Variants in TMEM108 observed in about 807,000 individuals in gnomAD.
The protein encoded by TMEM108 is cancer/testis antigen 124.
In TMEM108, 12 loss-of-function variants were observed where a neutral mutation model predicts 35.1. That is an observed-to-expected ratio of 0.34 (90% CI 0.22 to 0.55). TMEM108 has a LOEUF of 0.55. Ranked by LOEUF, TMEM108 falls within the 20% of genes least tolerant of loss-of-function variation. The pLI, the probability that TMEM108 is intolerant of heterozygous loss-of-function variation, is 0.89. For missense variants in TMEM108, 680 were observed against 753.3 expected (o/e 0.90, Z 1.14); for synonymous variants, 287 against 308.6 (o/e 0.93, Z 0.73).
Position 133,299,334 on chromosome 3 carries a change from A to G in TMEM108, c.40+69983A>G, listed in dbSNP as rs192158426. On this transcript the variant is annotated intron_variant, in intron 3 of 5. Coordinates refer to ENST00000321871, the MANE Select transcript of TMEM108 (RefSeq NM_023943.4). ...CAGTTGAGCTTAGTCTTTCTCCTTCAACCTTGATGTTTTGACATCCTGTAG... is the reference window on the plus strand; with the variant it reads ...CAGTTGAGCTTAGTCTTTCTCCTTCGACCTTGATGTTTTGACATCCTGTAG... Among the ~76,000 whole-genome samples the G allele has an allele frequency of 2.9e-3, 446 of 152,298 alleles. 7 individuals carry two copies. The highest frequency in any genetic ancestry group is 0.01 in the African/African-American group (434 of 41,550).
intron 2 of TMEM108, among the ~76,000 whole-genome samples, chr3:133,057,465 A>G (rs1490864233): frequency 5.2e-5 from 2 of 38,174 alleles, no homozygotes; most frequent in African/African-American, 7.3e-5. Context: ...ATATATATAT[A>G]TATATATATA....
At chr3:133,106,233 GT>G (rs1463522758) in intron 2 of TMEM108, among the ~76,000 whole-genome samples, 1 of 118,752 alleles carries the variant, frequency 8.4e-6, no homozygotes, top group Non-Finnish European at 1.7e-5. Context: ...GAGAAATAAT[GT>G]TACGTATTTG....
chr3:133,295,235 G>A (rs1708355), intron 3 of TMEM108, among the ~76,000 whole-genome samples: 17,912 of 152,056 alleles, frequency 0.12, 1,466 homozygotes, highest in East Asian at 0.38. Context: ...AAGTTTGCCC[G>A]GAACCCTGAG....
intron 2 of TMEM108, among the ~76,000 whole-genome samples, chr3:133,183,715 G>C (rs891423229): frequency 6.6e-6 from 1 of 152,138 alleles, no homozygotes; most frequent in Non-Finnish European, 1.5e-5. Flanking sequence ...TTGAGGCAGG[G>C]AGTGGGCAGG....
chr3:133,145,639 G>A (rs545994090), intron 2 of TMEM108, among the ~76,000 whole-genome samples: 29 of 152,100 alleles, frequency 1.9e-4, no homozygotes, highest in Middle Eastern at 3.4e-3. Context: ...CTCTTATTTC[G>A]TTGAGCAGTG....
In TMEM108 at chr3:133,194,575, G is replaced by GTT. The variant is rs397875801; in HGVS notation, c.-46-34679_-46-34678dup. Among the ~76,000 whole-genome samples the GTT allele has an allele frequency of 1.7e-3, 244 of 143,624 alleles. 2 individuals carry two copies. The highest frequency in any genetic ancestry group is 4.9e-3 in the African/African-American group (194 of 39,574). 94.2% of individuals were successfully genotyped at this position (143,624 alleles called of 152,430 possible). A position where few individuals can be genotyped will look rare whatever the true frequency, so the allele number is the denominator to read the frequency against. On this transcript the variant is annotated intron_variant, in intron 2 of 5. Transcript: ENST00000321871. ...TGTGTTTTCAGTGTGAAATTCCATGGTTTTTTTTTTTTTCTGATCAGCAGG... is the reference window on the plus strand; with the variant it reads ...TGTGTTTTCAGTGTGAAATTCCATGGTTTTTTTTTTTTTTTCTGATCAGCAGG...
chr3:133,380,332 G>T lies in TMEM108; in HGVS notation c.621G>T (p.Leu207=). The T allele has an allele frequency of 6.2e-7, 1 of 1,614,132 alleles. No individual in the cohort carries two copies. The highest frequency in any genetic ancestry group is 8.5e-7 in the Non-Finnish European group (1 of 1,180,002). ...QRGRNPSSTP[L]GQKRPLGKIF... is the part of the protein sequence containing the mutation. ...GACGAAATCCAAGCTCCACACCTCT[G>T]GGGCAGAAGCGGCCCCTGGGGAAAA... The change falls in exon 4 of 6, where the codon CTG becomes CTT. Residue 207 remains leucine (L), a synonymous_variant. Coordinates refer to ENST00000321871, the MANE Select transcript of TMEM108 (RefSeq NM_023943.4). This position sits in a 1 kb window ranked among gnomAD's most constrained non-coding sequence, Gnocchi z 5.3.
At chr3:133,315,927 A>G (rs1289277762) in intron 3 of TMEM108, among the ~76,000 whole-genome samples, 2 of 152,246 alleles carry the variant, frequency 1.3e-5, no homozygotes, top group African/African-American at 2.4e-5. Flanking sequence ...GCATGTATAC[A>G]TACTCTGCAG....
chr3:133,189,391 G>T (rs1463213019), intron 2 of TMEM108, among the ~76,000 whole-genome samples: 1 of 152,178 alleles, frequency 6.6e-6, no homozygotes, highest in African/African-American at 2.4e-5. Flanking sequence ...ATTGTACAGG[G>T]AGTAAATGCC....
At chr3:133,069,852 C>T (rs1943655845) in intron 2 of TMEM108, among the ~76,000 whole-genome samples, 1 of 152,166 alleles carries the variant, frequency 6.6e-6, no homozygotes, top group Non-Finnish European at 1.5e-5. Context: ...ATTGTTCAGT[C>T]TCCTTGTCTG....
chr3:133,134,819 T>C (rs1174463818), intron 2 of TMEM108, among the ~76,000 whole-genome samples: 2 of 152,142 alleles, frequency 1.3e-5, no homozygotes, highest in African/African-American at 4.8e-5. Flanking sequence ...ATTATACTAC[T>C]CTGTCTGCCT....
At chr3:133,234,623 G>T (rs1946205737) in intron 3 of TMEM108, among the ~76,000 whole-genome samples, 1 of 152,090 alleles carries the variant, frequency 6.6e-6, no homozygotes, top group South Asian at 2.1e-4. Flanking sequence ...AGCTATCTAT[G>T]ACAAACCCAC....
intron 2 of TMEM108, among the ~76,000 whole-genome samples, chr3:133,204,629 A>C (rs1315727752): frequency 6.6e-6 from 1 of 152,090 alleles, no homozygotes; most frequent in African/African-American, 2.4e-5. Context: ...CTTTCTTAAT[A>C]CTGAGTTCTA....
At chr3:133,175,181 A>G (rs1945198613) in intron 2 of TMEM108, among the ~76,000 whole-genome samples, 2 of 152,238 alleles carry the variant, frequency 1.3e-5, no homozygotes, top group African/African-American at 4.8e-5. Context: ...CTATGTGAAC[A>G]GACCAAATTT....
intron 2 of TMEM108, among the ~76,000 whole-genome samples, chr3:133,171,609 A>C (rs1209769561): frequency 6.6e-6 from 1 of 152,174 alleles, no homozygotes; most frequent in Non-Finnish European, 1.5e-5. Context: ...GTCACTTTCC[A>C]CTGTACCTCA....
intron 4 of TMEM108, chr3:133,387,101 C>G (rs894215029): frequency 1.0e-6 from 1 of 985,464 alleles, no homozygotes; most frequent in Non-Finnish European, 1.2e-6. Flanking sequence ...TGTCCTTGAG[C>G]CACCCAATAG....
intron 2 of TMEM108, among the ~76,000 whole-genome samples, chr3:133,115,244 C>A (rs1012154727): frequency 3.3e-5 from 5 of 152,172 alleles, no homozygotes; most frequent in African/African-American, 9.6e-5. Context: ...AAAAACCACA[C>A]AACTGGAGGA....
intron 2 of TMEM108, among the ~76,000 whole-genome samples, chr3:133,174,780 C>T (rs1347748044): frequency 6.6e-6 from 1 of 152,188 alleles, no homozygotes; most frequent in Non-Finnish European, 1.5e-5. Flanking sequence ...TTCTCTCCTC[C>T]AAAGGAACGC....
intron 3 of TMEM108, among the ~76,000 whole-genome samples, chr3:133,301,773 A>G (rs1480558925): frequency 2.6e-5 from 4 of 152,164 alleles, no homozygotes; most frequent in Non-Finnish European, 5.9e-5. Context: ...CCATATTCCT[A>G]ATATTCAAAG....
Sources: gnomAD v4.1 joint callset for allele counts (sites outside exome capture counted in the v4.1 genomes callset) on GRCh38, gnomAD v4.1.1 for gene constraint, Gnocchi (gnomAD v3.1) non-coding constraint, MANE v1.5 for transcripts, NCBI Gene and HGNC (gene_info 2026-07-23, HGNC 2026-07-21) for gene names.